CC2D2A: variants seen among roughly 807,000 people sequenced by gnomAD.
CC2D2A encodes the protein coiled-coil and C2 domain-containing protein 2A.
In CC2D2A, 155 loss-of-function variants were observed where a neutral mutation model predicts 212.9. The ratio of observed to expected loss-of-function variants is 0.73; its 90% CI spans 0.64 to 0.83. CC2D2A has a LOEUF of 0.83. Among genes scored for constraint, CC2D2A ranks in the 40% least tolerant of loss-of-function variants. CC2D2A has a pLI of 0.00. For missense variants in CC2D2A, 1,856 were observed against 1,956.2 expected (o/e 0.95, Z 0.97); for synonymous variants, 667 against 686.5 (o/e 0.97, Z 0.44).
At chr4:15,597,842 G>A (rs1307387934) in intron 35 of CC2D2A, among the ~76,000 whole-genome samples, 1 of 152,192 alleles carries the variant, frequency 6.6e-6, no homozygotes, top group Non-Finnish European at 1.5e-5. Flanking sequence ...AGATCAGTAA[G>A]AGCCTGTATG....
At chr4:15,511,493 G>A in intron 8 of CC2D2A, 70 bp downstream of exon 8, 1 of 1,370,856 alleles carries the variant, frequency 7.3e-7, no homozygotes, top group East Asian at 2.8e-5. Context: ...GTCCCTGCAA[G>A]AAAGAAAGTG....
chr4:15,504,805 A>G (rs1716161959), intron 6 of CC2D2A, among the ~76,000 whole-genome samples: 1 of 152,244 alleles, frequency 6.6e-6, no homozygotes, highest in African/African-American at 2.4e-5. Flanking sequence ...TATTCATAAT[A>G]GGACATCTCA....
chr4:15,515,788 G>T, intron 9 of CC2D2A, 80 bp from the exon 10 acceptor site: 2 of 1,304,472 alleles, frequency 1.5e-6, no homozygotes, highest in Non-Finnish European at 1.0e-6. Context: ...TGAAATCTCT[G>T]GTGATTAATT....
At chr4:15,518,090 T>C (rs904021641) in intron 11 of CC2D2A, among the ~76,000 whole-genome samples, 1 of 152,038 alleles carries the variant, frequency 6.6e-6, no homozygotes, top group Non-Finnish European at 1.5e-5. Context: ...ACCATATCAT[T>C]TCACCCCTGG....
At chr4:15,559,871 G>T (rs990531160) in intron 22 of CC2D2A, among the ~76,000 whole-genome samples, 2 of 152,082 alleles carry the variant, frequency 1.3e-5, no homozygotes, top group African/African-American at 4.8e-5. Flanking sequence ...TTGTCGCCCA[G>T]GCTGAAGTGC....
intron 30 of CC2D2A, among the ~76,000 whole-genome samples, chr4:15,583,474 ATAAG>A (rs1720735313): frequency 6.6e-6 from 1 of 152,238 alleles, no homozygotes; most frequent in Non-Finnish European, 1.5e-5. Context: ...GAACTAATAA[ATAAG>A]TTTAGTAAAG....
intron 27 of CC2D2A, among the ~76,000 whole-genome samples, chr4:15,569,922 G>C (rs1304152042): frequency 6.6e-6 from 1 of 152,160 alleles, no homozygotes; most frequent in South Asian, 2.1e-4. Context: ...TGGGAATGCA[G>C]CCCAGCAAGT....
rs1211851336 is a variant in CC2D2A, at chr4:15,539,489, A to C, written c.2004-1348A>C. 2.0e-5 allele frequency among the ~76,000 whole-genome samples: 3 copies of C among 152,220 alleles called. No homozygotes were observed. The South Asian group carries it at 6.2e-4, about 32-fold the overall frequency. On this transcript the variant is annotated intron_variant, in intron 16 of 36. Coordinates refer to ENST00000424120, the MANE Select transcript of CC2D2A (RefSeq NM_001378615.1). ...CATTAAAACGTGGGAGTTAATTAGGATGTCATTATAAGACTTCTCACAGTC... is the reference window on the plus strand; with the variant it reads ...CATTAAAACGTGGGAGTTAATTAGGCTGTCATTATAAGACTTCTCACAGTC...
chr4:15,561,906 CCTACTA>C (rs1481174965), intron 23 of CC2D2A, among the ~76,000 whole-genome samples: 8 of 152,186 alleles, frequency 5.3e-5, no homozygotes, highest in Non-Finnish European at 1.2e-4. Context: ...TGCTCTCCCT[CCTACTA>C]CTAAGGAACC....
intron 33 of CC2D2A, among the ~76,000 whole-genome samples, chr4:15,592,810 C>A (rs969174172): frequency 6.6e-6 from 1 of 152,120 alleles, no homozygotes; most frequent in Non-Finnish European, 1.5e-5. Flanking sequence ...TGCTAGACAC[C>A]CAGGTGCCTT....
At chr4:15,600,930 A>G (rs1577407693) in intron 36 of CC2D2A, among the ~76,000 whole-genome samples, 1 of 151,992 alleles carries the variant, frequency 6.6e-6, no homozygotes, top group South Asian at 2.1e-4. Flanking sequence ...AAGAAAAAAG[A>G]AATGTATTTG....
chr4:15,595,705 G>A (rs909204611), intron 33 of CC2D2A, among the ~76,000 whole-genome samples: 4 of 152,212 alleles, frequency 2.6e-5, no homozygotes, highest in African/African-American at 9.6e-5. Flanking sequence ...GCGCATTGCT[G>A]TGGATGCAGA....
intron 10 of CC2D2A, 71 bp from the exon 11 acceptor site, chr4:15,516,551 ATGT>A: frequency 7.0e-7 from 1 of 1,420,458 alleles, no homozygotes; most frequent in Non-Finnish European, 9.6e-7. Flanking sequence ...TTTTCAAGAA[ATGT>A]TGTTTGTGTT....
chr4:15,509,448 A>AT (rs1170946593), intron 6 of CC2D2A, among the ~76,000 whole-genome samples: 10 of 152,042 alleles, frequency 6.6e-5, no homozygotes, highest in African/African-American at 2.4e-4. Context: ...TAAACTTTGT[A>AT]TTTTTAGTAA....
At chr4:15,512,706 C>A (rs1160348536) in intron 8 of CC2D2A, among the ~76,000 whole-genome samples, 1 of 152,054 alleles carries the variant, frequency 6.6e-6, no homozygotes, top group South Asian at 2.1e-4. Context: ...GTAATCCCAG[C>A]TTTGGGAGGC....
At chr4:15,557,038 A>G (rs1327771788) in intron 20 of CC2D2A, among the ~76,000 whole-genome samples, 1 of 152,258 alleles carries the variant, frequency 6.6e-6, no homozygotes, top group East Asian at 1.9e-4. Flanking sequence ...TTCAGTCTGT[A>G]TATTTGTGTA....
chr4:15,518,009 G>C (rs1248825644), intron 11 of CC2D2A, among the ~76,000 whole-genome samples: 1 of 152,076 alleles, frequency 6.6e-6, no homozygotes, highest in Non-Finnish European at 1.5e-5. Context: ...CTCCCACCCG[G>C]TTCCTCCCAT....
chr4:15,477,458 C>G (rs924451568), intron 2 of CC2D2A, among the ~76,000 whole-genome samples: 4 of 152,180 alleles, frequency 2.6e-5, no homozygotes, highest in African/African-American at 7.2e-5. Context: ...AACTTACGTT[C>G]TATCTTATTT....
chr4:15,540,844 G>A lies in CC2D2A; in HGVS notation c.2011G>A (p.Val671Ile), dbSNP rs531042101. The A allele has an allele frequency of 6.3e-6, 10 of 1,597,772 alleles. No homozygotes were observed. Among genetic ancestry groups the A allele is most frequent in the East Asian group, 2.3e-5 (1 of 44,374 alleles). The stretch of plus-strand genomic sequence containing the variant: ...AATGGTCTCCTTTTGCAGAGCGGAG[G>A]TCTCGAGAAGGGAGGATGTAAAGAA... ...TPNDQCPRAE[V>I]SRREDVKKRS... The change falls in exon 17 of 37, where the codon GTC becomes ATC. Residue 671 changes from valine (V) to isoleucine (I), a missense_variant. Val to Ile is a conservative substitution (Grantham distance 29). This residue lies in a region of CC2D2A where 1,512 missense variants were observed against 1,579.3 expected (regional missense o/e 0.96). Transcript: ENST00000424120.
Sources: allele counts gnomAD v4.1 joint callset (sites outside exome capture counted in the v4.1 genomes callset), GRCh38; gene constraint gnomAD v4.1.1; regional missense constraint gnomAD v4.1.1; transcripts MANE v1.5; gene names NCBI Gene and HGNC (gene_info 2026-07-23, HGNC 2026-07-21).